Variants in CTNNA1 observed in about 807,000 individuals in gnomAD.
CTNNA1 encodes the protein catenin alpha 1, also known as catenin alpha-1.
A neutral mutation model predicts 98.4 loss-of-function variants in CTNNA1; 37 were observed. The observed-to-expected ratio is 0.38, with a 90% CI of 0.29 to 0.49. The LOEUF is 0.49. CTNNA1 is among the 20% of genes least tolerant of loss of function. The pLI is 0.95. For missense variants in CTNNA1, 761 were observed against 1,147.2 expected (o/e 0.66, Z 4.86); for synonymous variants, 404 against 413.2 (o/e 0.98, Z 0.27).
At chr5:138,772,381 G>A (rs548643186) in intron 1 of CTNNA1, among the ~76,000 whole-genome samples, 3 of 152,316 alleles carry the variant, frequency 2.0e-5, no homozygotes, top group South Asian at 4.1e-4. Flanking sequence ...GCTCTAGTAG[G>A]TTTTGTGATA....
Position 138,892,090 on chromosome 5 carries a change from T to G in CTNNA1, c.1296+4448T>G, listed in dbSNP as rs554291979. ...ACAGAACCAGTGTACATCTTACATA[T>G]ATGGATTGATGTCTCATGATTCCCT... On this transcript the variant is annotated intron_variant, in intron 9 of 17. Transcript: ENST00000302763. 2.6e-3 allele frequency among the ~76,000 whole-genome samples: 397 copies of G among 152,246 alleles called. 2 individuals are homozygous for G. Among genetic ancestry groups the G allele is most frequent in the African/African-American group, 9.3e-3 (385 of 41,542 alleles).
At chr5:138,812,454 TG>T (rs1359040038) in intron 5 of CTNNA1, 152 bp downstream of exon 5, 1 of 778,314 alleles carries the variant, frequency 1.3e-6, no homozygotes, top group African/African-American at 1.8e-5. Context: ...TTCAGTATTG[TG>T]CTGTTAATAA....
chr5:138,784,729 C>CT (rs1450688524), intron 3 of CTNNA1, among the ~76,000 whole-genome samples: 1 of 152,122 alleles, frequency 6.6e-6, no homozygotes, highest in Non-Finnish European at 1.5e-5. Flanking sequence ...CTTGTTGGGA[C>CT]TTAGGAAGAA....
chr5:138,835,569 T>C (rs1761699428), intron 7 of CTNNA1, among the ~76,000 whole-genome samples: 1 of 152,246 alleles, frequency 6.6e-6, no homozygotes, highest in Non-Finnish European at 1.5e-5. Flanking sequence ...ATGCATTGAA[T>C]GCAAAATTTG....
At chr5:138,764,564 T>A (rs1019064964) in intron 1 of CTNNA1, among the ~76,000 whole-genome samples, 1 of 151,492 alleles carries the variant, frequency 6.6e-6, no homozygotes, top group Non-Finnish European at 1.5e-5. Flanking sequence ...CTCTGCCTCC[T>A]GGGTTGAAGC....
At chr5:138,785,575 T>A (rs1755605523) in intron 3 of CTNNA1, among the ~76,000 whole-genome samples, 1 of 152,258 alleles carries the variant, frequency 6.6e-6, no homozygotes, top group South Asian at 2.1e-4. Context: ...TTCTTTCTTT[T>A]TTTGAGTTGG....
intron 3 of CTNNA1, among the ~76,000 whole-genome samples, chr5:138,804,136 A>G (rs1469443153): frequency 1.3e-5 from 2 of 152,208 alleles, no homozygotes; most frequent in Non-Finnish European, 2.9e-5. Flanking sequence ...ATCTTAATTG[A>G]CACTCACAGC....
chr5:138,816,431 G>T (rs570368670), intron 5 of CTNNA1, among the ~76,000 whole-genome samples: 1 of 152,214 alleles, frequency 6.6e-6, no homozygotes, highest in South Asian at 2.1e-4. Flanking sequence ...TCTATTTTTA[G>T]TTTTTTGAGG....
intron 14 of CTNNA1, among the ~76,000 whole-genome samples, chr5:138,930,008 C>G (rs1039064956): frequency 1.3e-5 from 2 of 152,174 alleles, no homozygotes; most frequent in East Asian, 1.9e-4. Flanking sequence ...AGGTGTTGCT[C>G]AAGTATGGCC....
chr5:138,786,927 C>T (rs926908182), intron 3 of CTNNA1, among the ~76,000 whole-genome samples: 1 of 152,220 alleles, frequency 6.6e-6, no homozygotes, highest in South Asian at 2.1e-4. Flanking sequence ...CCTGCCCTGG[C>T]TTCAGTGGTC....
Position 138,886,061 on chromosome 5 carries a change from A to G in CTNNA1, c.1063-151A>G, listed in dbSNP as rs566231237. 3.7e-4 allele frequency: 255 copies of G among 694,474 alleles called. No homozygotes were observed. In the African/African-American group the frequency reaches 4.4e-3, roughly 12 times the overall value. The allele number at this position is 694,474 out of a possible 1,614,324, so 43.0% of individuals were successfully genotyped here. A position where few individuals can be genotyped will look rare whatever the true frequency, so the allele number is the denominator to read the frequency against. Reference sequence around the variant, plus strand: ...GTTGGGTTTTTATGAATAAAGCCACATAACACCCCTCTGCTCCCCAGTATT... The same window carrying G: ...GTTGGGTTTTTATGAATAAAGCCACGTAACACCCCTCTGCTCCCCAGTATT... On this transcript the variant is annotated intron_variant, in intron 7 of 17. Coordinates refer to ENST00000302763, the MANE Select transcript of CTNNA1 (RefSeq NM_001903.5).
chr5:138,867,185 G>A (rs1219642902), intron 7 of CTNNA1, among the ~76,000 whole-genome samples: 3 of 152,216 alleles, frequency 2.0e-5, no homozygotes, highest in Non-Finnish European at 4.4e-5. Context: ...CTTATGGGAT[G>A]AGTTTGACAA....
chr5:138,874,104 A>G lies in CTNNA1; in HGVS notation c.1063-12108A>G. ...GTCTGCAGCTTCCGAAGGCCATAGAAGAGCTCTGGGTGCAGAGATGACAGC... is the reference window on the plus strand; with the variant it reads ...GTCTGCAGCTTCCGAAGGCCATAGAGGAGCTCTGGGTGCAGAGATGACAGC... On this transcript the variant is annotated intron_variant, in intron 7 of 17. Coordinates refer to ENST00000302763, the MANE Select transcript of CTNNA1 (RefSeq NM_001903.5). The surrounding 1 kb of genome is among the most constrained non-coding windows in gnomAD (Gnocchi z 4.1). 6.2e-7 allele frequency: 1 copy of G among 1,613,834 alleles called. No individual in the cohort carries two copies. The highest frequency in any genetic ancestry group is 8.5e-7 in the Non-Finnish European group (1 of 1,179,768).
intron 3 of CTNNA1, among the ~76,000 whole-genome samples, chr5:138,792,776 C>T (rs1756520585): frequency 6.6e-6 from 1 of 152,116 alleles, no homozygotes; most frequent in Non-Finnish European, 1.5e-5. Context: ...GTTAATGATG[C>T]TCTGGAAGAG....
intron 7 of CTNNA1, chr5:138,875,667 T>C: frequency 1.0e-6 from 1 of 985,428 alleles, no homozygotes; most frequent in South Asian, 4.7e-5. Context: ...CGATTCTGCA[T>C]AGAGAGATCA....
Position 138,886,208 on chromosome 5 carries a change from C to A in CTNNA1, c.1063-4C>A, listed in dbSNP as rs1275929547. 3 of 1,606,610 alleles carry A rather than the reference C, an allele frequency of 1.9e-6. No individual in the cohort carries two copies. The highest frequency in any genetic ancestry group is 2.5e-6 in the Non-Finnish European group (3 of 1,177,478). ...AAATGCTCATCTCTTTTCCTTTTAT[C>A]CAGGCTGGACGTAAAGAAAGAAGTG... On this transcript the variant is annotated splice_polypyrimidine_tract_variant and splice_region_variant and intron_variant, in intron 7 of 17. Coordinates refer to ENST00000302763, the MANE Select transcript of CTNNA1 (RefSeq NM_001903.5).
chr5:138,858,955 C>G (rs746843292), intron 7 of CTNNA1, among the ~76,000 whole-genome samples: 2 of 152,186 alleles, frequency 1.3e-5, no homozygotes, highest in Non-Finnish European at 2.9e-5. Flanking sequence ...GAATTAACCC[C>G]TGCTTTTCTG....
At chr5:138,777,643 G>A (rs1754496128) in intron 1 of CTNNA1, among the ~76,000 whole-genome samples, 1 of 151,938 alleles carries the variant, frequency 6.6e-6, no homozygotes, top group Non-Finnish European at 1.5e-5. Context: ...ATCACTCGCG[G>A]TTAGGAGCTG....
At chr5:138,913,891 C>A (rs1432844145) in intron 10 of CTNNA1, among the ~76,000 whole-genome samples, 1 of 152,092 alleles carries the variant, frequency 6.6e-6, no homozygotes, top group African/African-American at 2.4e-5. Flanking sequence ...CTCATGGTTA[C>A]TCAGGCTGGA....
Sources: gnomAD v4.1 joint callset for allele counts (sites outside exome capture counted in the v4.1 genomes callset) on GRCh38, gnomAD v4.1.1 for gene constraint, Gnocchi (gnomAD v3.1) non-coding constraint, MANE v1.5 for transcripts, NCBI Gene and HGNC (gene_info 2026-07-23, HGNC 2026-07-21) for gene names.